DCUN1D2: variants seen among roughly 807,000 people sequenced by gnomAD.
DCUN1D2 encodes the protein DCN1-like protein 2.
Under a neutral mutation model 30.9 loss-of-function variants are expected in DCUN1D2, and 29 were observed. The ratio of observed to expected loss-of-function variants is 0.94; its 90% CI spans 0.70 to 1.28. The LOEUF (loss-of-function observed/expected upper bound fraction) is 1.28, where lower values mean the gene tolerates loss of function less well. Among genes scored for constraint, DCUN1D2 ranks in the 50% most tolerant of loss-of-function variants. The pLI, the probability that DCUN1D2 is intolerant of heterozygous loss-of-function variation, is 0.00. For missense variants in DCUN1D2, 325 were observed against 316.9 expected (o/e 1.03, Z -0.19); for synonymous variants, 121 against 115.3 (o/e 1.05, Z -0.32).
chr13:113,475,154 G>A (rs1406925071), intron 3 of DCUN1D2, among the ~76,000 whole-genome samples: 1 of 152,128 alleles, frequency 6.6e-6, no homozygotes, highest in Non-Finnish European at 1.5e-5. Context: ...AGACATACAC[G>A]GAAAAGCACA....
chr13:113,481,578 T>C (rs989507224), intron 2 of DCUN1D2, among the ~76,000 whole-genome samples: 1 of 152,184 alleles, frequency 6.6e-6, no homozygotes, highest in Non-Finnish European at 1.5e-5. Context: ...ACCACATATA[T>C]ATAGTTACCA....
Position 113,457,755 on chromosome 13 carries a change from T to G in DCUN1D2, c.*274A>C. ...GGCGCTATGGCTCTACCTTAGTATT[T>G]TGTAAATATTAAAAAATCATGCAGA... On this transcript the variant is annotated 3_prime_UTR_variant, in exon 7 of 7. Coordinates refer to ENST00000478244, the MANE Select transcript of DCUN1D2 (RefSeq NM_001014283.2). 2.6e-6 allele frequency: 1 copy of G among 385,908 alleles called. No individual in the cohort carries two copies. Among genetic ancestry groups the G allele is most frequent in the Non-Finnish European group, 4.8e-6 (1 of 207,226 alleles). The allele number at this position is 385,908 out of a possible 1,614,324, so 23.9% of individuals were successfully genotyped here. A position where few individuals can be genotyped will look rare whatever the true frequency, so the allele number is the denominator to read the frequency against.
intron 4 of DCUN1D2, among the ~76,000 whole-genome samples, chr13:113,464,841 C>T (rs1341590628): frequency 1.3e-5 from 2 of 152,258 alleles, no homozygotes; most frequent in Non-Finnish European, 2.9e-5. Flanking sequence ...GTTTGCTGCG[C>T]AGTCATTACT....
chr13:113,486,205 T>C (rs973339859), intron 1 of DCUN1D2, among the ~76,000 whole-genome samples: 1 of 151,434 alleles, frequency 6.6e-6, no homozygotes, highest in Admixed American at 6.6e-5. Context: ...TGCAGCAACA[T>C]GGATGGAGCT....
At chr13:113,470,169 C>T (rs992821382) in intron 4 of DCUN1D2, among the ~76,000 whole-genome samples, 4 of 152,204 alleles carry the variant, frequency 2.6e-5, no homozygotes, top group African/African-American at 9.7e-5. Context: ...TGTTTGGATA[C>T]ACAAATCCTC....
chr13:113,458,370 C>T (rs1025735198), intron 6 of DCUN1D2, among the ~76,000 whole-genome samples: 6 of 152,176 alleles, frequency 3.9e-5, no homozygotes, highest in African/African-American at 9.6e-5. Context: ...CGGTGAGTGC[C>T]CCAGGCAGTC....
intron 4 of DCUN1D2, among the ~76,000 whole-genome samples, chr13:113,465,397 C>G (rs1232017384): frequency 3.3e-5 from 5 of 152,066 alleles, no homozygotes; most frequent in Non-Finnish European, 5.9e-5. Context: ...GATCGTTACA[C>G]TCAGACCTGA....
chr13:113,464,543 G>A (rs2044370117), intron 4 of DCUN1D2, among the ~76,000 whole-genome samples: 1 of 152,246 alleles, frequency 6.6e-6, no homozygotes, highest in African/African-American at 2.4e-5. Flanking sequence ...AAATTACCAT[G>A]GAATGAAGTG....
chr13:113,485,035 G>C (rs2044776982), intron 1 of DCUN1D2, among the ~76,000 whole-genome samples: 1 of 152,000 alleles, frequency 6.6e-6, no homozygotes, highest in Non-Finnish European at 1.5e-5. Context: ...CTGAGATCGT[G>C]CCACTGCACT....
upstream of DCUN1D2, chr13:113,491,096 C>T (rs1480999865): frequency 6.5e-6 from 1 of 153,580 alleles, no homozygotes; most frequent in Non-Finnish European, 1.4e-5. Context: ...GACTCCCGGC[C>T]TCCCGGCCTC....
At chr13:113,468,315 GGTCCCAAGA>G (rs1442027137) in intron 4 of DCUN1D2, among the ~76,000 whole-genome samples, 1 of 152,190 alleles carries the variant, frequency 6.6e-6, no homozygotes, top group Non-Finnish European at 1.5e-5. Flanking sequence ...ACTTACGTGA[GGTCCCAAGA>G]GGAGTCAACT....
At chr13:113,458,859 C>T (rs2044271217) in intron 6 of DCUN1D2, among the ~76,000 whole-genome samples, 1 of 152,190 alleles carries the variant, frequency 6.6e-6, no homozygotes, top group South Asian at 2.1e-4. Flanking sequence ...GCAGCGTGCC[C>T]AGCACACAGC....
intron 4 of DCUN1D2, among the ~76,000 whole-genome samples, chr13:113,464,575 G>T (rs113900585): frequency 6.6e-6 from 1 of 152,254 alleles, no homozygotes; most frequent in African/African-American, 2.4e-5. Context: ...TGGAAGGGAC[G>T]CTGCGCGTTT....
chr13:113,484,635 A>T (rs2044770006), intron 1 of DCUN1D2, among the ~76,000 whole-genome samples: 1 of 152,232 alleles, frequency 6.6e-6, no homozygotes, highest in Non-Finnish European at 1.5e-5. Flanking sequence ...TAATACTAAT[A>T]ACAAGAATGC....
chr13:113,485,974 CA>C (rs2044796041), intron 1 of DCUN1D2, among the ~76,000 whole-genome samples: 1 of 151,914 alleles, frequency 6.6e-6, no homozygotes, highest in South Asian at 2.1e-4. Context: ...AAGATATTTG[CA>C]AAAATGTAAT....
intron 4 of DCUN1D2, among the ~76,000 whole-genome samples, chr13:113,467,264 T>C (rs544898643): frequency 3.3e-5 from 5 of 152,276 alleles, no homozygotes; most frequent in South Asian, 4.1e-4. Flanking sequence ...TAGGTAGAAA[T>C]ATCTAGAGGA....
chr13:113,473,871 G>A (rs2044565924), intron 4 of DCUN1D2, among the ~76,000 whole-genome samples: 1 of 152,216 alleles, frequency 6.6e-6, no homozygotes, highest in Non-Finnish European at 1.5e-5. Flanking sequence ...CAGATGCGGT[G>A]GTGGACGCCT....
chr13:113,458,869 CAGGCTCCAA>C (rs1312751090), intron 6 of DCUN1D2, among the ~76,000 whole-genome samples: 1 of 152,210 alleles, frequency 6.6e-6, no homozygotes, highest in African/African-American at 2.4e-5. Flanking sequence ...CAGCACACAG[CAGGCTCCAA>C]AGGCCCTCCA....
In DCUN1D2 at chr13:113,488,980, A is replaced by G; in HGVS notation, c.3+1687T>C. ...TCTCTAAACTATAAAAAAGTCTCAA[A>G]CACTTTAATTGTGACCTTGTGAAAT... is the stretch of plus-strand genomic sequence containing the variant. On this transcript the variant is annotated intron_variant, in intron 1 of 6. Coordinates refer to ENST00000478244, the MANE Select transcript of DCUN1D2 (RefSeq NM_001014283.2). This position sits in a 1 kb window ranked among gnomAD's most constrained non-coding sequence, Gnocchi z 4.3. 1 of 318,288 alleles carries G rather than the reference A, an allele frequency of 3.1e-6. No homozygotes were observed. Among genetic ancestry groups the G allele is most frequent in the Non-Finnish European group, 4.5e-6 (1 of 219,940 alleles). 19.7% of individuals were successfully genotyped at this position (318,288 alleles called of 1,614,324 possible).
Sources: allele counts gnomAD v4.1 joint callset (sites outside exome capture counted in the v4.1 genomes callset), GRCh38; gene constraint gnomAD v4.1.1; non-coding constraint Gnocchi (gnomAD v3.1); transcripts MANE v1.5; gene names NCBI Gene and HGNC (gene_info 2026-07-23, HGNC 2026-07-21).